The following FLACC1 variants were observed in gnomAD, a reference collection of about 807,000 sequenced individuals.
The protein encoded by FLACC1 is flagellum associated containing coiled-coil domains 1.
A neutral mutation model predicts 62.8 loss-of-function variants in FLACC1; 66 were observed. The ratio of observed to expected loss-of-function variants is 1.05; its 90% CI spans 0.86 to 1.29. The LOEUF is 1.29. FLACC1 is among the 50% of genes most tolerant of loss of function. The pLI, the probability that FLACC1 is intolerant of heterozygous loss-of-function variation, is 0.00. For synonymous variants in FLACC1, 156 were observed against 161.0 expected (o/e 0.97, Z 0.24); for missense variants, 452 against 489.1 (o/e 0.92, Z 0.71).
intron 9 of FLACC1, among the ~76,000 whole-genome samples, chr2:201,319,975 A>T (rs1304748135): frequency 6.6e-6 from 1 of 152,216 alleles, no homozygotes; most frequent in Non-Finnish European, 1.5e-5. Flanking sequence ...CTCACCCTAC[A>T]TTACTCCTGG....
chr2:201,321,723 G>A (rs1950407129), intron 9 of FLACC1, among the ~76,000 whole-genome samples: 1 of 152,168 alleles, frequency 6.6e-6, no homozygotes, highest in African/African-American at 2.4e-5. Flanking sequence ...AAAAGCTGGA[G>A]CACTGAAACA....
Position 201,299,120 on chromosome 2 carries a change from C to T in FLACC1, c.942+118G>A, listed in dbSNP as rs559636427. 284 of 983,132 alleles carry T rather than the reference C, an allele frequency of 2.9e-4. 1 individual carries two copies. Among genetic ancestry groups the T allele is most frequent in the Non-Finnish European group, 4.0e-4 (263 of 655,638 alleles). The allele number at this position is 983,132 out of a possible 1,614,324, so 60.9% of individuals were successfully genotyped here. A position where few individuals can be genotyped will look rare whatever the true frequency, so the allele number is the denominator to read the frequency against. ...GAATCCAGTAAACTCAGCTTTAGGTCTTCCATTTCTTATTGGCTTTGGGGA... is the reference window on the plus strand; with the variant it reads ...GAATCCAGTAAACTCAGCTTTAGGTTTTCCATTTCTTATTGGCTTTGGGGA... On this transcript the variant is annotated intron_variant, in intron 12 of 14. Transcript: ENST00000392257.
At position 201,307,625 on chromosome 2, in the gene FLACC1, G is replaced by A; in HGVS notation, c.776-3C>T. On this transcript the variant is annotated splice_polypyrimidine_tract_variant and splice_region_variant and intron_variant, in intron 10 of 14. Coordinates refer to ENST00000392257, the MANE Select transcript of FLACC1 (RefSeq NM_001127391.3). ...GAATTTTTTGGTCATCTTTTTTTCT[G>A]TGGAAGTGACAGGAAAGCACATATA... 1 of 1,600,968 alleles carries A rather than the reference G, an allele frequency of 6.2e-7. No homozygotes were observed. The highest frequency in any genetic ancestry group is 1.1e-5 in the South Asian group (1 of 90,818).
upstream of FLACC1, among the ~76,000 whole-genome samples, chr2:201,358,444 T>G: frequency 7.9e-6 from 1 of 126,690 alleles, no homozygotes; most frequent in Admixed American, 8.8e-5. Flanking sequence ...TGAGACGGAG[T>G]CTCGCTCTGT....
Position 201,288,547 on chromosome 2 carries a change from G to A in FLACC1, c.*108C>T, listed in dbSNP as rs1177460659. The A allele has an allele frequency of 6.5e-6, 9 of 1,381,144 alleles. No homozygotes were observed. Among genetic ancestry groups the A allele is most frequent in the Non-Finnish European group, 7.9e-6 (8 of 1,016,618 alleles). 85.6% of individuals were successfully genotyped at this position (1,381,144 alleles called of 1,614,324 possible). The stretch of plus-strand genomic sequence containing the variant: ...CATTCAGAGAGTCAGAGCAACCCAA[G>A]AACTAAACTCATTATATGCATTTTC... On this transcript the variant is annotated 3_prime_UTR_variant, in exon 15 of 15. Coordinates refer to ENST00000392257, the MANE Select transcript of FLACC1 (RefSeq NM_001127391.3).
intron 9 of FLACC1, among the ~76,000 whole-genome samples, chr2:201,322,954 A>G (rs1475065070): frequency 6.6e-6 from 1 of 152,174 alleles, no homozygotes; most frequent in Non-Finnish European, 1.5e-5. Flanking sequence ...TGCAGCAGAA[A>G]GCTTTAACAA....
chr2:201,345,371 C>T (rs1950890453), intron 5 of FLACC1, among the ~76,000 whole-genome samples: 1 of 152,084 alleles, frequency 6.6e-6, no homozygotes, highest in South Asian at 2.1e-4. Context: ...TCACCCTCAA[C>T]CTGAATCCCT....
intron 3 of FLACC1, 31 bp downstream of exon 3, chr2:201,350,680 C>T: frequency 2.1e-6 from 1 of 476,254 alleles, no homozygotes; most frequent in South Asian, 2.4e-5. Context: ...GACTCCATCT[C>T]AAAAACAAAA....
chr2:201,293,432 TA>T, intron 12 of FLACC1, among the ~76,000 whole-genome samples: 1 of 152,282 alleles, frequency 6.6e-6, no homozygotes, highest in Middle Eastern at 3.4e-3. Flanking sequence ...ACTGGGTACA[TA>T]ATGAAATGAA....
At position 201,316,838 on chromosome 2, in the gene FLACC1, T is replaced by C. The variant is rs1490602651; in HGVS notation, c.676-7588A>G. On this transcript the variant is annotated intron_variant, in intron 9 of 14. Transcript: ENST00000392257. The stretch of plus-strand genomic sequence containing the variant: ...CTGGCTAACTGAATCCAACAACATA[T>C]CAAAAAGATAATCCACCATAATCAA... Among the ~76,000 whole-genome samples the C allele has an allele frequency of 2.6e-5, 4 of 151,862 alleles. No individual in the cohort carries two copies. The South Asian group carries it at 8.3e-4, about 32-fold the overall frequency.
intron 1 of FLACC1, among the ~76,000 whole-genome samples, chr2:201,354,650 G>A (rs528163257): frequency 3.0e-4 from 46 of 152,278 alleles, no homozygotes; most frequent in African/African-American, 1.1e-3. Context: ...TGGAATTCAG[G>A]TGAGAGTCTG....
intron 1 of FLACC1, among the ~76,000 whole-genome samples, chr2:201,354,425 A>G (rs1203151660): frequency 6.6e-6 from 1 of 152,180 alleles, no homozygotes; most frequent in African/African-American, 2.4e-5. Context: ...AGTCTTCTGC[A>G]ATAGAGGTCA....
At chr2:201,310,049 G>A (rs866396897) in intron 9 of FLACC1, among the ~76,000 whole-genome samples, 2 of 151,950 alleles carry the variant, frequency 1.3e-5, no homozygotes, top group South Asian at 4.1e-4. Context: ...GGTTAAATAA[G>A]CCTAATCTAA....
At chr2:201,304,780 G>A (rs1461656872) in intron 11 of FLACC1, among the ~76,000 whole-genome samples, 12 of 152,034 alleles carry the variant, frequency 7.9e-5, no homozygotes, top group Middle Eastern at 3.4e-3. Flanking sequence ...ATAATACCAC[G>A]CATCTACAAC....
chr2:201,318,035 C>T (rs1225929451), intron 9 of FLACC1, among the ~76,000 whole-genome samples: 3 of 152,128 alleles, frequency 2.0e-5, no homozygotes, highest in Non-Finnish European at 4.4e-5. Flanking sequence ...GGATAATTGG[C>T]TAGCCACATG....
At chr2:201,338,160 A>G (rs1224603188) in intron 7 of FLACC1, among the ~76,000 whole-genome samples, 4 of 152,204 alleles carry the variant, frequency 2.6e-5, no homozygotes, top group Non-Finnish European at 5.9e-5. Flanking sequence ...TATGCTTTGT[A>G]GCCAGTGTAA....
intron 7 of FLACC1, among the ~76,000 whole-genome samples, chr2:201,336,952 C>T (rs762332510): frequency 6.6e-6 from 1 of 152,116 alleles, no homozygotes; most frequent in Non-Finnish European, 1.5e-5. Flanking sequence ...TAAGAAATGT[C>T]TTCTTTTAAG....
intron 7 of FLACC1, among the ~76,000 whole-genome samples, chr2:201,333,451 T>C (rs1950632061): frequency 6.6e-6 from 1 of 152,152 alleles, no homozygotes; most frequent in African/African-American, 2.4e-5. Flanking sequence ...ATGTACATAA[T>C]GTGCAGGTTA....
At chr2:201,324,673 CA>C (rs1365077271) in intron 9 of FLACC1, among the ~76,000 whole-genome samples, 1 of 152,088 alleles carries the variant, frequency 6.6e-6, no homozygotes, top group East Asian at 1.9e-4. Context: ...CAGGCCATAG[CA>C]GAATAAAACT....
Sources: gnomAD v4.1 joint callset for allele counts (sites outside exome capture counted in the v4.1 genomes callset) on GRCh38, gnomAD v4.1.1 for gene constraint, MANE v1.5 for transcripts, NCBI Gene and HGNC (gene_info 2026-07-23, HGNC 2026-07-21) for gene names.